The following USH2A variants were observed in gnomAD, a reference collection of about 807,000 sequenced individuals.
The protein encoded by USH2A is Usher syndrome 2A (autosomal recessive, mild).
USH2A carries 443 observed loss-of-function variants against 538.9 expected under a neutral mutation model. The observed-to-expected ratio is 0.82, with a 90% CI of 0.76 to 0.89. USH2A has a LOEUF of 0.89. Among genes scored for constraint, USH2A ranks in the 40% least tolerant of loss-of-function variants. The pLI is 0.00. For synonymous variants in USH2A, 2,413 were observed against 2,273.5 expected (o/e 1.06, Z -1.75); for missense variants, 6,633 against 6,324.8 (o/e 1.05, Z -1.65).
At chr1:216,332,668 T>A (rs2037892086) in intron 4 of USH2A, among the ~76,000 whole-genome samples, 1 of 152,232 alleles carries the variant, frequency 6.6e-6, no homozygotes, top group African/African-American at 2.4e-5. Flanking sequence ...GACTGGAAAA[T>A]GTATTGGTTC....
chr1:216,295,036 T>C (rs2037076099), intron 9 of USH2A, among the ~76,000 whole-genome samples: 1 of 151,830 alleles, frequency 6.6e-6, no homozygotes, highest in African/African-American at 2.4e-5. Flanking sequence ...GCATAATAGT[T>C]AATTTATATG....
intron 37 of USH2A, among the ~76,000 whole-genome samples, chr1:215,960,571 A>C (rs1667174132): frequency 6.6e-6 from 1 of 152,108 alleles, no homozygotes; most frequent in African/African-American, 2.4e-5. Context: ...TGGCACTTGC[A>C]CACCCTAGAA....
Position 215,743,287 on chromosome 1 carries a change from T to A in USH2A, c.11438A>T (p.Asp3813Val), listed in dbSNP as rs140483214. 1.1e-5 allele frequency: 17 copies of A among 1,609,958 alleles called. No homozygotes were observed. Among genetic ancestry groups the A allele is most frequent in the Non-Finnish European group, 1.4e-5 (17 of 1,178,682 alleles). The stretch of plus-strand genomic sequence containing the variant: ...GAAGGCCAGAGGTGTTACACTTCCA[T>A]CATTGAGTAAGACATTGTACTCCAC... ...IPVEYNVLLN[D>V]GSVTPLAFSV... The change falls in exon 59 of 72, where the codon GAT (aspartate) becomes GTT (valine). Residue 3813 changes from aspartate (D) to valine (V), a missense_variant. Asp to Val is a radical substitution (Grantham distance 152, BLOSUM62 -3). Transcript: ENST00000307340.
chr1:215,866,968 T>C (rs1472751338), intron 44 of USH2A, 39 bp downstream of exon 44: 4 of 1,613,672 alleles, frequency 2.5e-6, no homozygotes, highest in Non-Finnish European at 3.4e-6. Flanking sequence ...CTTTTAAAAA[T>C]ACACAAAGTG....
At chr1:215,922,553 T>G (rs1005671525) in intron 38 of USH2A, among the ~76,000 whole-genome samples, 8 of 152,090 alleles carry the variant, frequency 5.3e-5, no homozygotes, top group African/African-American at 1.9e-4. Flanking sequence ...CATATATTTT[T>G]TCTTTGAAAG....
At chr1:216,058,467 A>C (rs897904406) in intron 30 of USH2A, among the ~76,000 whole-genome samples, 1 of 148,850 alleles carries the variant, frequency 6.7e-6, no homozygotes, top group Non-Finnish European at 1.5e-5. Context: ...AAATAAATGA[A>C]TATTTTCTGT....
chr1:216,223,441 T>A (rs1167977269), intron 14 of USH2A, among the ~76,000 whole-genome samples: 1 of 152,166 alleles, frequency 6.6e-6, no homozygotes, highest in Non-Finnish European at 1.5e-5. Context: ...CAGCTAACTG[T>A]ATAATTAGTT....
intron 32 of USH2A, among the ~76,000 whole-genome samples, chr1:216,001,331 C>T (rs537241631): frequency 6.6e-5 from 10 of 152,100 alleles, no homozygotes; most frequent in South Asian, 2.1e-4. Flanking sequence ...ATGAATGAAA[C>T]GAGCTAGGTC....
At chr1:216,355,153 C>T (rs1001320760) in intron 4 of USH2A, among the ~76,000 whole-genome samples, 1 of 151,520 alleles carries the variant, frequency 6.6e-6, no homozygotes, top group South Asian at 2.1e-4. Context: ...ACTGAAAATA[C>T]AAAAATTGGC....
In USH2A at chr1:216,247,029, C is replaced by T. The variant is rs199571930; in HGVS notation, c.2365G>A (p.Val789Ile). ...CAGTCACAGGCCTTACAATTGGTGACATCTAACCCATAAAAGTTTTCTCTG... is the reference window on the plus strand; with the variant it reads ...CAGTCACAGGCCTTACAATTGGTGATATCTAACCCATAAAAGTTTTCTCTG... ...TCRENFYGLD[V>I]TNCKACDCDT... The change falls in exon 13 of 72, where the codon GTC becomes ATC. Residue 789 changes from valine to isoleucine, a missense_variant. Coordinates refer to ENST00000307340, the MANE Select transcript of USH2A (RefSeq NM_206933.4). 8.2e-5 allele frequency: 132 copies of T among 1,614,050 alleles called. No individual in the cohort carries two copies. Among genetic ancestry groups the T allele is most frequent in the Non-Finnish European group, 1.1e-4 (126 of 1,179,978 alleles).
intron 4 of USH2A, among the ~76,000 whole-genome samples, chr1:216,341,630 A>G (rs2038078119): frequency 6.6e-6 from 1 of 152,130 alleles, no homozygotes; most frequent in Admixed American, 6.6e-5. Context: ...ACAGCATGGT[A>G]CTGGTACCAA....
chr1:216,072,563 C>T (rs2102548220), intron 29 of USH2A: 1 of 378,670 alleles, frequency 2.6e-6, no homozygotes, highest in South Asian at 2.2e-5. Flanking sequence ...TTGCTATCTA[C>T]ACCATCTGTA....
intron 12 of USH2A, among the ~76,000 whole-genome samples, chr1:216,249,619 T>C (rs550571338): frequency 6.6e-6 from 1 of 152,236 alleles, no homozygotes; most frequent in Non-Finnish European, 1.5e-5. Context: ...ATGCTTGAGA[T>C]GCATATAGGT....
In USH2A at chr1:216,203,626, T is replaced by C. The variant is rs553224195; in HGVS notation, c.3317-3505A>G. Among the ~76,000 whole-genome samples the C allele has an allele frequency of 2.0e-5, 3 of 152,310 alleles. 1 individual carries two copies. The South Asian group carries it at 6.2e-4, about 32-fold the overall frequency. ...ATCCTGTCTCTATATCTTATATTTC[T>C]TCATTTATTCCTCTCAGAGCTAACT... On this transcript the variant is annotated intron_variant, in intron 16 of 71. Coordinates refer to ENST00000307340, the MANE Select transcript of USH2A (RefSeq NM_206933.4).
intron 30 of USH2A, among the ~76,000 whole-genome samples, chr1:216,065,011 G>C (rs1239955341): frequency 6.6e-6 from 1 of 152,182 alleles, no homozygotes; most frequent in Admixed American, 6.5e-5. Flanking sequence ...CAGAGAAATT[G>C]ACAAAACTGC....
chr1:216,268,262 A>G (rs973351103), intron 11 of USH2A, among the ~76,000 whole-genome samples: 3 of 152,212 alleles, frequency 2.0e-5, no homozygotes, highest in Non-Finnish European at 4.4e-5. Flanking sequence ...TTCCTGGAAC[A>G]TTAGGATTAT....
chr1:216,208,388 T>C (rs2102482652), intron 15 of USH2A, among the ~76,000 whole-genome samples: 1 of 152,244 alleles, frequency 6.6e-6, no homozygotes, highest in Middle Eastern at 3.4e-3. Flanking sequence ...TTTTAAACCA[T>C]TCATCTTTTT....
intron 3 of USH2A, among the ~76,000 whole-genome samples, chr1:216,379,952 A>G (rs986142621): frequency 6.6e-6 from 1 of 152,222 alleles, no homozygotes; most frequent in African/African-American, 2.4e-5. Context: ...ATTGAACCAA[A>G]GAGCCATGTA....
chr1:215,796,132 T>C (rs1430029869), intron 50 of USH2A, among the ~76,000 whole-genome samples: 1 of 152,220 alleles, frequency 6.6e-6, no homozygotes, highest in African/African-American at 2.4e-5. Context: ...TTGCAAATCA[T>C]GCCATGTAAC....
Sources: allele counts gnomAD v4.1 joint callset (sites outside exome capture counted in the v4.1 genomes callset), GRCh38; gene constraint gnomAD v4.1.1; transcripts MANE v1.5; gene names NCBI Gene and HGNC (gene_info 2026-07-23, HGNC 2026-07-21).